Variants in GPHN observed in about 807,000 individuals in gnomAD.
The protein encoded by GPHN is gephyrin.
GPHN carries 17 observed loss-of-function variants against 95.5 expected under a neutral mutation model. That is an observed-to-expected ratio of 0.18 (90% CI 0.12 to 0.27). The LOEUF (loss-of-function observed/expected upper bound fraction) is 0.27. GPHN is among the 10% of genes least tolerant of loss of function. The probability of loss-of-function intolerance (pLI) is 1.00; values close to 1 mark genes in which losing one functional copy is unlikely to be tolerated. For synonymous variants in GPHN, 320 were observed against 322.5 expected (o/e 0.99, Z 0.08); for missense variants, 660 against 978.1 (o/e 0.67, Z 4.34).
At chr14:67,663,161 T>A in the GPHN span, 1 of 1,533,116 alleles carries the variant, frequency 6.5e-7, no homozygotes, top group Non-Finnish European at 8.7e-7. Context: ...GTTGAGTGTA[T>A]CTTTAATACC....
At chr14:66,583,863 A>G (rs1566644735) in intron 1 of GPHN, among the ~76,000 whole-genome samples, 1 of 152,070 alleles carries the variant, frequency 6.6e-6, no homozygotes, top group Admixed American at 6.6e-5. Context: ...TGACTTGGCA[A>G]TGCGGGCTCT....
intron 2 of GPHN, among the ~76,000 whole-genome samples, chr14:66,718,041 C>G (rs1011899404): frequency 3.3e-5 from 5 of 152,042 alleles, no homozygotes; most frequent in Non-Finnish European, 7.4e-5. Context: ...TGGGGAGGAA[C>G]CAGAGGTGGG....
chr14:67,197,997 T>G, the GPHN span: 1 of 713,040 alleles, frequency 1.4e-6, no homozygotes, highest in Non-Finnish European at 2.3e-6. Flanking sequence ...TAGATGTATG[T>G]ATTAATACAA....
chr14:67,354,636 T>C, the GPHN span, among the ~76,000 whole-genome samples: 1 of 152,180 alleles, frequency 6.6e-6, no homozygotes, highest in Non-Finnish European at 1.5e-5. Flanking sequence ...TATATAGGCA[T>C]GTGCTGTCTA....
intron 10 of GPHN, among the ~76,000 whole-genome samples, chr14:67,036,855 T>C (rs1467503383): frequency 6.6e-6 from 1 of 151,874 alleles, no homozygotes; most frequent in Non-Finnish European, 1.5e-5. Context: ...ATATCCATAC[T>C]ACCCAAAGGA....
intron 1 of GPHN, among the ~76,000 whole-genome samples, chr14:66,543,495 A>C (rs1003069674): frequency 3.3e-5 from 5 of 152,110 alleles, no homozygotes; most frequent in Non-Finnish European, 5.9e-5. Context: ...CAACTCCTAA[A>C]TTTATGTACC....
intron 2 of GPHN, among the ~76,000 whole-genome samples, chr14:66,723,297 T>C (rs1479788535): frequency 1.6e-4 from 24 of 151,318 alleles, no homozygotes; most frequent in Admixed American, 1.6e-3. Context: ...TTTATAAATA[T>C]AAACTTTTAT....
chr14:66,527,897 A>G lies in GPHN; in HGVS notation c.64+19306A>G, dbSNP rs149399351. Among the ~76,000 whole-genome samples the G allele has an allele frequency of 1.2e-3, 179 of 152,220 alleles. 1 individual carries two copies. Among genetic ancestry groups the G allele is most frequent in the Non-Finnish European group, 2.0e-3 (134 of 67,998 alleles). ...TGTTTTACTTCCAATTATATGGTCA[A>G]TTTTAGAGTAAGTGTGATGTGGTCC... On this transcript the variant is annotated intron_variant, in intron 1 of 22. Transcript: ENST00000478722.
intron 1 of GPHN, among the ~76,000 whole-genome samples, chr14:66,591,193 A>G (rs1039440144): frequency 2.6e-5 from 4 of 152,190 alleles, no homozygotes; most frequent in Admixed American, 6.5e-5. Flanking sequence ...ACCCGCAGCC[A>G]ATATAATACT....
chr14:67,610,123 G>A, the GPHN span, among the ~76,000 whole-genome samples: 3 of 152,134 alleles, frequency 2.0e-5, no homozygotes, highest in African/African-American at 4.8e-5. Context: ...GGGCAGAGGC[G>A]CCAGTCTATG....
chr14:66,843,834 T>A (rs2153510234), intron 4 of GPHN, among the ~76,000 whole-genome samples: 1 of 152,274 alleles, frequency 6.6e-6, no homozygotes, highest in South Asian at 2.1e-4. Context: ...AAGAATATAT[T>A]TTTTTATAAA....
chr14:67,395,563 A>C, the GPHN span: 1 of 1,614,134 alleles, frequency 6.2e-7, no homozygotes, highest in Non-Finnish European at 8.5e-7. Flanking sequence ...TGGATGTTTG[A>C]GTCTTCAGCT....
rs985114481 is a variant in GPHN, at chr14:67,071,199, C to A, written c.1144+12413C>A. On this transcript the variant is annotated intron_variant, in intron 11 of 22. Transcript: ENST00000478722. ...TCATGCACACGTATGTTGATTGCAG[C>A]ACTATTCACAATAGCAAAGACTTGG... is the stretch of plus-strand genomic sequence containing the variant. Among the ~76,000 whole-genome samples, 5 of 152,110 alleles carry A rather than the reference C, an allele frequency of 3.3e-5. No individual in the cohort carries two copies. The East Asian group carries it at 7.7e-4, about 23-fold the overall frequency.
intron 8 of GPHN, among the ~76,000 whole-genome samples, chr14:66,932,459 T>TTTTTG (rs1567118472): frequency 1.7e-5 from 2 of 116,366 alleles, no homozygotes; most frequent in Non-Finnish European, 3.8e-5. Context: ...TTTTTTTTTT[T>TTTTTG]TTTTTTTTTT....
At chr14:67,210,869 T>C in the GPHN span, among the ~76,000 whole-genome samples, 2 of 152,008 alleles carry the variant, frequency 1.3e-5, no homozygotes, top group African/African-American at 4.8e-5. Context: ...TTAGATGTGG[T>C]AGCATGTGTC....
intron 1 of GPHN, among the ~76,000 whole-genome samples, chr14:66,669,761 T>C (rs769157096): frequency 6.6e-6 from 1 of 152,218 alleles, no homozygotes; most frequent in African/African-American, 2.4e-5. Flanking sequence ...AGGTATAAAA[T>C]TTCTATTTGG....
At chr14:67,398,056 C>A in the GPHN span, 42 of 375,754 alleles carry the variant, frequency 1.1e-4, no homozygotes. Flanking sequence ...TTGAAAGAAA[C>A]TACAAAGTAA....
chr14:67,192,033 G>T, the GPHN span, among the ~76,000 whole-genome samples: 14 of 152,180 alleles, frequency 9.2e-5, no homozygotes, highest in Non-Finnish European at 1.9e-4. Flanking sequence ...GACCGCAAGG[G>T]ATCAGCTAGT....
chr14:67,360,078 C>A, the GPHN span: 2 of 427,746 alleles, frequency 4.7e-6, no homozygotes, highest in South Asian at 1.2e-4. Context: ...CGTCTTTGGT[C>A]ACAGCGCCAT....
Sources: allele counts gnomAD v4.1 joint callset (sites outside exome capture counted in the v4.1 genomes callset), GRCh38; gene constraint gnomAD v4.1.1; transcripts MANE v1.5; gene names NCBI Gene and HGNC (gene_info 2026-07-23, HGNC 2026-07-21).